The following SIMC1 variants were observed in gnomAD, a reference collection of about 807,000 sequenced individuals.
SIMC1 encodes the protein SUMO-interacting motif-containing protein 1.
A neutral mutation model predicts 82.3 loss-of-function variants in SIMC1; 55 were observed. The ratio of observed to expected loss-of-function variants is 0.67; its 90% confidence interval spans 0.54 to 0.84. The LOEUF (loss-of-function observed/expected upper bound fraction) is 0.84, where lower values mean the gene tolerates loss of function less well. Among genes scored for constraint, SIMC1 ranks in the 40% least tolerant of loss-of-function variants. SIMC1 has a pLI of 0.00. For missense variants in SIMC1, 915 were observed against 1,107.2 expected (o/e 0.83, Z 2.46); for synonymous variants, 353 against 426.3 (o/e 0.83, Z 2.12).
In SIMC1 at chr5:176,308,308, G is replaced by T; in HGVS notation, c.1735-5383G>T. On this transcript the variant is annotated intron_variant, in intron 4 of 9. Coordinates refer to ENST00000429602, the MANE Select transcript of SIMC1 (RefSeq NM_001308195.2). Reference sequence around the variant, plus strand: ...TTCGTTCTGTCATCATCTTAACGACGTTCTGATAAGAGGAAGGACCAAGTA... The same window carrying T: ...TTCGTTCTGTCATCATCTTAACGACTTTCTGATAAGAGGAAGGACCAAGTA... 4 of 1,458,244 alleles carry T rather than the reference G, an allele frequency of 2.7e-6. No homozygotes were observed. In the African/African-American group the frequency reaches 4.2e-5, roughly 15 times the overall value. 90.3% of individuals were successfully genotyped at this position (1,458,244 alleles called of 1,614,324 possible).
rs1387598858 is a variant in SIMC1 at position 176,264,911 on chromosome 5, A to G, written c.130-24743A>G. ...AGGCCAGGCATGGTGGCTCATACCT[A>G]TAATCCCAGCACTTTGGGAGGCCAA... On this transcript the variant is annotated intron_variant, in intron 1 of 9. Transcript: ENST00000429602. Among the ~76,000 whole-genome samples, 7 of 152,258 alleles carry G rather than the reference A, an allele frequency of 4.6e-5. No homozygotes were observed. In the South Asian group the frequency reaches 1.2e-3, roughly 27 times the overall value.
chr5:176,276,536 C>T (rs1310498186), intron 1 of SIMC1, among the ~76,000 whole-genome samples: 3 of 148,722 alleles, frequency 2.0e-5, no homozygotes, highest in Non-Finnish European at 4.5e-5. Context: ...TGTGCTGGTG[C>T]GCTGCACCCA....
At chr5:176,316,108 G>A (rs1264151376) in intron 5 of SIMC1, among the ~76,000 whole-genome samples, 3 of 152,170 alleles carry the variant, frequency 2.0e-5, no homozygotes, top group African/African-American at 7.2e-5. Flanking sequence ...CTGAGTGGCA[G>A]AGGTTGCAGT....
In SIMC1 at chr5:176,324,667, T is replaced by C; in HGVS notation, c.2081T>C (p.Val694Ala). ...CQLQRMLSIAVEVDRTPTCSS... is the reference protein window; with the variant it reads ...CQLQRMLSIAAEVDRTPTCSS... ...CTTCAGAGGATGCTCTCCATAGCCG[T>C]AGAGGTGGACAGGACCCCCACCTGC... The change falls in exon 7 of 10, where the codon GTA becomes GCA. Residue 694 changes from valine (V) to alanine (A), a missense_variant. Val to Ala is a moderately conservative substitution (Grantham distance 64, BLOSUM62 0). Transcript: ENST00000429602. 1 of 1,610,624 alleles carries C rather than the reference T, an allele frequency of 6.2e-7. No individual in the cohort carries two copies. The highest frequency in any genetic ancestry group is 8.5e-7 in the Non-Finnish European group (1 of 1,178,456).
At chr5:176,280,083 C>G (rs1424602781) in intron 1 of SIMC1, among the ~76,000 whole-genome samples, 2 of 152,056 alleles carry the variant, frequency 1.3e-5, no homozygotes, top group Non-Finnish European at 2.9e-5. Context: ...GTGTTAAAGT[C>G]TCCCATTATT....
At chr5:176,306,370 T>A (rs1173194951) in intron 4 of SIMC1, among the ~76,000 whole-genome samples, 1 of 133,076 alleles carries the variant, frequency 7.5e-6, no homozygotes, top group Non-Finnish European at 1.7e-5. Context: ...TACTGGGAAG[T>A]GAGGAGCCCC....
rs768480236 is a variant in SIMC1 at position 176,290,706 on chromosome 5, C to A, written c.1182C>A (p.Ser394Arg). ...ATATCTCAGCTCTGTCCTCTCCAAG[C>A]TGCTCTCCCAGCCCACAGTCTGAAA... ...PMDISALSSP[S>R]CSPSPQSETP... The change falls in exon 2 of 10, where the codon AGC becomes AGA. Residue 394 changes from serine (S) to arginine (R), a missense_variant. By Grantham distance (110) the Ser-to-Arg change is moderately radical (BLOSUM62 -1). Around this residue, in one of 2 missense-constraint regions of SIMC1, gnomAD observed 902 missense variants for 1,040.3 expected, o/e 0.87. Transcript: ENST00000429602. 1.4e-5 allele frequency: 23 copies of A among 1,613,986 alleles called. No homozygotes were observed. The Admixed American group carries it at 1.7e-4, about 12-fold the overall frequency.
chr5:176,265,791 TGA>T (rs1330748007), intron 1 of SIMC1, among the ~76,000 whole-genome samples: 2 of 152,038 alleles, frequency 1.3e-5, no homozygotes, highest in Non-Finnish European at 2.9e-5. Context: ...AGGGAGAGTA[TGA>T]GAGAACAATG....
At chr5:176,275,150 C>G (rs878887315) in intron 1 of SIMC1, among the ~76,000 whole-genome samples, 1 of 151,336 alleles carries the variant, frequency 6.6e-6, no homozygotes, top group Admixed American at 6.6e-5. Context: ...CTTTTATTTC[C>G]TTGAGCAGTG....
rs773651765 is a variant in SIMC1 at position 176,290,205 on chromosome 5, A to G, written c.681A>G (p.Pro227=). The G allele has an allele frequency of 2.5e-6, 4 of 1,600,980 alleles. No homozygotes were observed. The highest frequency in any genetic ancestry group is 3.4e-5 in the Admixed American group (2 of 58,908). The change falls in exon 2 of 10, where the codon CCA becomes CCG. Residue 227 remains proline, a synonymous_variant. Coordinates refer to ENST00000429602, the MANE Select transcript of SIMC1 (RefSeq NM_001308195.2). ...TGCCGTGCCCCCTGCGACCTTTGCCATGCCCACCGAGAGCCTCACCATGTC... is the reference window on the plus strand; with the variant it reads ...TGCCGTGCCCCCTGCGACCTTTGCCGTGCCCACCGAGAGCCTCACCATGTC... ...QALPCPLRPL[P]CPPRASPCPP... is the part of the protein sequence containing the mutation.
At chr5:176,306,024 A>G (rs1316125742) in intron 4 of SIMC1, among the ~76,000 whole-genome samples, 1 of 31,500 alleles carries the variant, frequency 3.2e-5, no homozygotes, top group Non-Finnish European at 6.8e-5. Flanking sequence ...CCCGTCCGGG[A>G]GGGAGGTTGG....
At chr5:176,339,129 C>T (rs749105732) in intron 9 of SIMC1, among the ~76,000 whole-genome samples, 13 of 152,132 alleles carry the variant, frequency 8.5e-5, no homozygotes, top group African/African-American at 2.7e-4. Context: ...TTTGGGAGGC[C>T]GAGGCGGGCG....
At chr5:176,329,218 T>A (rs1371475970) in intron 7 of SIMC1, among the ~76,000 whole-genome samples, 1 of 151,976 alleles carries the variant, frequency 6.6e-6, no homozygotes, top group Non-Finnish European at 1.5e-5. Context: ...ACGCCTGTAA[T>A]CCCAGCACTT....
At chr5:176,282,867 C>T (rs1221669306) in intron 1 of SIMC1, among the ~76,000 whole-genome samples, 18 of 152,298 alleles carry the variant, frequency 1.2e-4, no homozygotes, top group Non-Finnish European at 2.1e-4. Flanking sequence ...ACGAGAACTA[C>T]GTGATGCATG....
intron 1 of SIMC1, among the ~76,000 whole-genome samples, chr5:176,282,489 C>T (rs1332233243): frequency 6.6e-6 from 1 of 152,236 alleles, no homozygotes; most frequent in African/African-American, 2.4e-5. Flanking sequence ...CCCGGTACCT[C>T]AGATGGAAAT....
At chr5:176,266,472 A>G in intron 1 of SIMC1, among the ~76,000 whole-genome samples, 1 of 152,002 alleles carries the variant, frequency 6.6e-6, no homozygotes, top group Non-Finnish European at 1.5e-5. Context: ...GCTGGAAACC[A>G]TAAGAACAAA....
chr5:176,319,516 C>A (rs1765065820), intron 5 of SIMC1, among the ~76,000 whole-genome samples: 1 of 151,930 alleles, frequency 6.6e-6, no homozygotes, highest in Non-Finnish European at 1.5e-5. Flanking sequence ...ACGGAGCAAG[C>A]CCTCATCTCT....
chr5:176,295,692 C>G (rs1205591493), intron 3 of SIMC1, among the ~76,000 whole-genome samples: 1 of 150,062 alleles, frequency 6.7e-6, no homozygotes, highest in Non-Finnish European at 1.5e-5. Context: ...GTGGTAGCCT[C>G]TCAGCCTCAG....
chr5:176,280,049 G>A (rs1338145781), intron 1 of SIMC1, among the ~76,000 whole-genome samples: 2 of 152,084 alleles, frequency 1.3e-5, no homozygotes, highest in South Asian at 4.2e-4. Flanking sequence ...CTGTCTTGTT[G>A]ATCTGTCTAA....
Sources: allele counts gnomAD v4.1 joint callset (sites outside exome capture counted in the v4.1 genomes callset), GRCh38; gene constraint gnomAD v4.1.1; regional missense constraint gnomAD v4.1.1; transcripts MANE v1.5; gene names NCBI Gene and HGNC (gene_info 2026-07-23, HGNC 2026-07-21).